The following FBXL17 variants were observed in gnomAD, a reference collection of about 807,000 sequenced individuals.
The protein encoded by FBXL17 is F-box/LRR-repeat protein 17.
FBXL17 carries 22 observed loss-of-function variants against 66.2 expected under a neutral mutation model. The ratio of observed to expected loss-of-function variants is 0.33; its 90% CI spans 0.24 to 0.47. The LOEUF (loss-of-function observed/expected upper bound fraction) is 0.47, where lower values mean the gene tolerates loss of function less well. Among genes scored for constraint, FBXL17 ranks in the 20% least tolerant of loss-of-function variants. FBXL17 has a pLI of 1.00. For missense variants in FBXL17, 878 were observed against 948.2 expected, an observed-to-expected ratio of 0.93 and a Z score of 0.97; for synonymous variants, 474 against 400.5, an observed-to-expected ratio of 1.18 and a Z score of -2.19.
intron 4 of FBXL17, among the ~76,000 whole-genome samples, chr5:108,311,522 A>G (rs997147467): frequency 3.9e-5 from 6 of 152,066 alleles, no homozygotes; most frequent in African/African-American, 1.2e-4. Context: ...TACTCTTAAT[A>G]TGCTCCAAGG....
intron 7 of FBXL17, among the ~76,000 whole-genome samples, chr5:107,925,932 A>G (rs1197894884): frequency 6.6e-6 from 1 of 152,158 alleles, no homozygotes; most frequent in East Asian, 1.9e-4. Context: ...ACTTTTTTGC[A>G]TTTCTTGTAA....
intron 7 of FBXL17, among the ~76,000 whole-genome samples, chr5:107,895,523 A>G (rs1412717190): frequency 6.6e-6 from 1 of 152,140 alleles, no homozygotes; most frequent in South Asian, 2.1e-4. Context: ...CTGGAACTTC[A>G]CAAGCTCTTT....
At chr5:108,267,308 A>G (rs1757083484) in intron 4 of FBXL17, among the ~76,000 whole-genome samples, 1 of 152,074 alleles carries the variant, frequency 6.6e-6, no homozygotes, top group African/African-American at 2.4e-5. Flanking sequence ...AAAACTCACC[A>G]AATTTTTACT....
chr5:108,177,738 A>C (rs897332177), intron 6 of FBXL17, among the ~76,000 whole-genome samples: 1 of 151,940 alleles, frequency 6.6e-6, no homozygotes, highest in African/African-American at 2.4e-5. Flanking sequence ...GAACTATTCA[A>C]CGTGTCTGGG....
rs946225302 is a variant in FBXL17 at position 107,995,335 on chromosome 5, T to C, written c.1822+25590A>G. ...TTTAACCTGATTTATTTAAAACACA[T>C]GCTGTTTGAAAAATTTGGAATAATC... is the stretch of plus-strand genomic sequence containing the variant. On this transcript the variant is annotated intron_variant, in intron 7 of 8. Transcript: ENST00000542267. Among the ~76,000 whole-genome samples, 26 of 152,310 alleles carry C rather than the reference T, an allele frequency of 1.7e-4. 1 individual carries two copies. Among genetic ancestry groups the C allele is most frequent in the African/African-American group, 6.0e-4 (25 of 41,584 alleles).
chr5:108,277,924 G>A (rs555989092), intron 4 of FBXL17, among the ~76,000 whole-genome samples: 8 of 152,334 alleles, frequency 5.3e-5, no homozygotes, highest in Admixed American at 3.3e-4. Context: ...TTGACTAGAA[G>A]CATTTCAAGC....
chr5:108,119,183 A>T (rs1750378804), intron 6 of FBXL17, among the ~76,000 whole-genome samples: 1 of 152,176 alleles, frequency 6.6e-6, no homozygotes, highest in African/African-American at 2.4e-5. Flanking sequence ...GCCTCTTATT[A>T]CTCTTGTTAA....
At chr5:107,880,631 C>A in intron 8 of FBXL17, 1 of 1,135,068 alleles carries the variant, frequency 8.8e-7, no homozygotes, top group Non-Finnish European at 1.1e-6. Flanking sequence ...TGTGAAAAAC[C>A]AATTTGGCAC....
intron 7 of FBXL17, among the ~76,000 whole-genome samples, chr5:108,019,375 G>A (rs1028432300): frequency 3.9e-5 from 6 of 152,190 alleles, no homozygotes; most frequent in African/African-American, 1.4e-4. Context: ...GCTGGGCACT[G>A]CCTTTGTTAT....
intron 7 of FBXL17, among the ~76,000 whole-genome samples, chr5:108,016,622 C>T (rs1754395985): frequency 6.6e-6 from 1 of 152,048 alleles, no homozygotes; most frequent in Non-Finnish European, 1.5e-5. Flanking sequence ...TCATCCATCC[C>T]GTTCAGTACA....
At chr5:108,288,127 G>A (rs533897310) in intron 4 of FBXL17, among the ~76,000 whole-genome samples, 2 of 151,956 alleles carry the variant, frequency 1.3e-5, no homozygotes, top group Admixed American at 6.6e-5. Context: ...GAAGGGAGGA[G>A]AAGGGTGAAG....
chr5:107,956,457 G>A (rs186653368), intron 7 of FBXL17, among the ~76,000 whole-genome samples: 1 of 152,238 alleles, frequency 6.6e-6, no homozygotes, highest in Non-Finnish European at 1.5e-5. Context: ...AAGGCGTAGT[G>A]ATCAGAGTTC....
At chr5:107,885,290 G>A (rs1042714397) in intron 7 of FBXL17, among the ~76,000 whole-genome samples, 3 of 152,178 alleles carry the variant, frequency 2.0e-5, no homozygotes, top group African/African-American at 7.2e-5. Flanking sequence ...GTGTGTTGAT[G>A]AAGGGTATAC....
intron 6 of FBXL17, among the ~76,000 whole-genome samples, chr5:108,055,501 C>T (rs1051189130): frequency 1.4e-5 from 2 of 147,728 alleles, no homozygotes; most frequent in Non-Finnish European, 3.0e-5. Flanking sequence ...CCCAGCTACT[C>T]GAGAGGCTGA....
At chr5:108,014,095 G>C (rs1384321324) in intron 7 of FBXL17, among the ~76,000 whole-genome samples, 1 of 151,978 alleles carries the variant, frequency 6.6e-6, no homozygotes, top group East Asian at 1.9e-4. Context: ...TATGCAGTGA[G>C]GGTTAAAGAT....
At chr5:107,929,285 T>C (rs1750647822) in intron 7 of FBXL17, among the ~76,000 whole-genome samples, 1 of 152,200 alleles carries the variant, frequency 6.6e-6, no homozygotes, top group Admixed American at 6.6e-5. Flanking sequence ...AATCTAATTA[T>C]TCTGTGGTTT....
chr5:108,140,570 G>A (rs780154546), intron 6 of FBXL17, among the ~76,000 whole-genome samples: 2 of 151,928 alleles, frequency 1.3e-5, no homozygotes, highest in East Asian at 3.9e-4. Flanking sequence ...TCTGCCTACC[G>A]CTTACAAATG....
At chr5:107,980,664 A>ATATATATATATATATTTTT in intron 7 of FBXL17, among the ~76,000 whole-genome samples, 4 of 62,074 alleles carry the variant, frequency 6.4e-5, no homozygotes, top group African/African-American at 3.1e-4. Context: ...ATATATATAT[A>ATATATATATATATATTTTT]TTTTTTTTTT....
At chr5:108,182,833 G>C (rs549808373) in intron 6 of FBXL17, among the ~76,000 whole-genome samples, 1 of 151,984 alleles carries the variant, frequency 6.6e-6, no homozygotes, top group Non-Finnish European at 1.5e-5. Context: ...AGAACTAGAA[G>C]ATTAGAAATC....
Sources: gnomAD v4.1 joint callset for allele counts (sites outside exome capture counted in the v4.1 genomes callset) on GRCh38, gnomAD v4.1.1 for gene constraint, MANE v1.5 for transcripts, NCBI Gene and HGNC (gene_info 2026-07-23, HGNC 2026-07-21) for gene names.